Variants in GRM8 observed in about 807,000 individuals in gnomAD.
The protein encoded by GRM8 is metabotropic glutamate receptor 8.
Under a neutral mutation model 87.2 loss-of-function variants are expected in GRM8, and 47 were observed. The ratio of observed to expected loss-of-function variants is 0.54; its 90% CI spans 0.43 to 0.69. The LOEUF is 0.69. Ranked by LOEUF, GRM8 falls within the 30% of genes least tolerant of loss-of-function variation. The pLI is 0.00. For synonymous variants in GRM8, 396 were observed against 404.5 expected, an observed-to-expected ratio of 0.98 and a Z score of 0.25; for missense variants, 1,019 against 1,139.2, an observed-to-expected ratio of 0.89 and a Z score of 1.52.
At chr7:126,861,158 T>C (rs1231405544) in intron 6 of GRM8, among the ~76,000 whole-genome samples, 1 of 152,134 alleles carries the variant, frequency 6.6e-6, no homozygotes, top group Non-Finnish European at 1.5e-5. Flanking sequence ...GAAGTTGCTG[T>C]GAATCCTTCC....
In GRM8 at chr7:127,243,030, C is replaced by T; in HGVS notation, c.175G>A (p.Glu59Lys). 6.2e-7 allele frequency: 1 copy of T among 1,614,016 alleles called. No individual in the cohort carries two copies. Among genetic ancestry groups the T allele is most frequent in the Non-Finnish European group, 8.5e-7 (1 of 1,179,908 alleles). ...AGCTCCCCACAAGGCACCCCTCTCTCTCCCTTTGCGTGGACAGGGAAGAGA... is the reference window on the plus strand; with the variant it reads ...AGCTCCCCACAAGGCACCCCTCTCTTTCCCTTTGCGTGGACAGGGAAGAGA... ...GGLFPVHAKG[E>K]RGVPCGELKK... The change falls in exon 2 of 11, where the codon GAG (glutamate) becomes AAG (lysine). Residue 59 changes from glutamate to lysine, a missense_variant. By Grantham distance (56) the Glu-to-Lys change is moderately conservative. Coordinates refer to ENST00000339582, the MANE Select transcript of GRM8 (RefSeq NM_000845.3).
Position 126,749,579 on chromosome 7 carries a change from TTTAA to T in GRM8, c.1357+20282_1357+20285del, listed in dbSNP as rs1206646108. 1.3e-4 allele frequency among the ~76,000 whole-genome samples: 20 copies of T among 150,344 alleles called. No individual in the cohort carries two copies. The South Asian group carries it at 3.7e-3, about 28-fold the overall frequency. ...TATATAAAATATATATAATCATATA[TTTAA>T]TTAATAAAGGTCTGATTTTCAGAAT... On this transcript the variant is annotated intron_variant, in intron 7 of 10. Coordinates refer to ENST00000339582, the MANE Select transcript of GRM8 (RefSeq NM_000845.3).
At chr7:126,712,568 G>T (rs1811215361) in intron 7 of GRM8, among the ~76,000 whole-genome samples, 1 of 152,048 alleles carries the variant, frequency 6.6e-6, no homozygotes, top group African/African-American at 2.4e-5. Flanking sequence ...TACACCAAAA[G>T]CAACTGCAAC....
chr7:126,552,892 C>T (rs924168092), intron 8 of GRM8, among the ~76,000 whole-genome samples: 4 of 152,016 alleles, frequency 2.6e-5, no homozygotes, highest in African/African-American at 4.8e-5. Context: ...ATTTAAGTCT[C>T]TTATTTATAA....
chr7:127,013,793 A>G (rs1449772001), intron 3 of GRM8, among the ~76,000 whole-genome samples: 1 of 152,198 alleles, frequency 6.6e-6, no homozygotes, highest in African/African-American at 2.4e-5. Flanking sequence ...AATGTCAAGC[A>G]TAAAACCTAT....
intron 3 of GRM8, among the ~76,000 whole-genome samples, chr7:127,059,085 A>G (rs1349522704): frequency 6.6e-6 from 1 of 152,172 alleles, no homozygotes; most frequent in East Asian, 1.9e-4. Context: ...TAATGATGAT[A>G]TGACAGAGTG....
intron 2 of GRM8, among the ~76,000 whole-genome samples, chr7:127,218,253 C>G (rs1263996659): frequency 6.6e-6 from 1 of 152,206 alleles, no homozygotes; most frequent in Non-Finnish European, 1.5e-5. Flanking sequence ...CTTTCTTGCC[C>G]CAACAGTGTT....
intron 6 of GRM8, among the ~76,000 whole-genome samples, chr7:126,845,835 T>A (rs1796668876): frequency 6.6e-6 from 1 of 151,964 alleles, no homozygotes; most frequent in African/African-American, 2.4e-5. Context: ...GTTTGAAGTC[T>A]AGATATCATG....
intron 2 of GRM8, among the ~76,000 whole-genome samples, chr7:127,174,169 T>G (rs755753485): frequency 4.6e-5 from 7 of 152,186 alleles, no homozygotes; most frequent in Non-Finnish European, 1.0e-4. Context: ...GTACACAAGA[T>G]GTACGTAATG....
chr7:126,673,859 A>C (rs1277410002), intron 7 of GRM8, among the ~76,000 whole-genome samples: 1 of 152,208 alleles, frequency 6.6e-6, no homozygotes. Context: ...CTTTAGTTTT[A>C]TGAGACACTC....
At chr7:126,562,664 G>T (rs982751638) in intron 8 of GRM8, among the ~76,000 whole-genome samples, 2 of 152,186 alleles carry the variant, frequency 1.3e-5, no homozygotes, top group South Asian at 2.1e-4. Context: ...GGAGGCCAAA[G>T]GGGGCAGATC....
At chr7:127,136,204 T>C (rs1316168778) in intron 2 of GRM8, among the ~76,000 whole-genome samples, 1 of 152,170 alleles carries the variant, frequency 6.6e-6, no homozygotes, top group Non-Finnish European at 1.5e-5. Context: ...TGTAACTTGC[T>C]AGAATTGGGG....
chr7:126,680,201 C>T (rs1169326732), intron 7 of GRM8, among the ~76,000 whole-genome samples: 5 of 152,034 alleles, frequency 3.3e-5, no homozygotes, highest in Non-Finnish European at 5.9e-5. Context: ...TTATGGTGCA[C>T]GAACTATGAG....
At chr7:127,239,733 T>A (rs1798178110) in intron 2 of GRM8, among the ~76,000 whole-genome samples, 1 of 152,226 alleles carries the variant, frequency 6.6e-6, no homozygotes, top group Admixed American at 6.5e-5. Flanking sequence ...AATTGCTTTA[T>A]AATTAATACT....
At position 126,620,509 on chromosome 7, in the gene GRM8, G is replaced by GT. The variant is rs952442997; in HGVS notation, c.1358-11012dup. The stretch of plus-strand genomic sequence containing the variant: ...AGGGAAAATGATATATTCAATGAAG[G>GT]TTTTTTTTTTCAAATGTTGGCTCTT... On this transcript the variant is annotated intron_variant, in intron 7 of 10. Transcript: ENST00000339582. Among the ~76,000 whole-genome samples the GT allele has an allele frequency of 7.8e-4, 118 of 150,406 alleles. 1 individual carries two copies. Among genetic ancestry groups the GT allele is most frequent in the Admixed American group, 1.0e-3 (15 of 15,054 alleles).
chr7:127,114,752 C>A (rs1826599160), intron 2 of GRM8, among the ~76,000 whole-genome samples: 1 of 152,170 alleles, frequency 6.6e-6, no homozygotes, highest in Non-Finnish European at 1.5e-5. Context: ...ATATATTACA[C>A]TTACAAAGTC....
chr7:126,957,764 C>T (rs1395869936), intron 3 of GRM8, among the ~76,000 whole-genome samples: 3 of 152,188 alleles, frequency 2.0e-5, no homozygotes, highest in Non-Finnish European at 4.4e-5. Flanking sequence ...CATGAATAGC[C>T]TGGGTACCAC....
At chr7:126,723,584 A>G (rs1013144234) in intron 7 of GRM8, among the ~76,000 whole-genome samples, 1 of 152,078 alleles carries the variant, frequency 6.6e-6, no homozygotes, top group Non-Finnish European at 1.5e-5. Flanking sequence ...ACTTTAGGCA[A>G]CAGGACACCC....
At position 126,533,835 on chromosome 7, in the gene GRM8, C is replaced by T; in HGVS notation, c.1547G>A (p.Cys516Tyr). The T allele has an allele frequency of 3.7e-6, 6 of 1,614,074 alleles. No homozygotes were observed. Among genetic ancestry groups the T allele is most frequent in the Non-Finnish European group, 5.1e-6 (6 of 1,179,948 alleles). The change falls in exon 9 of 11, where the codon TGC becomes TAC. Residue 516 changes from cysteine (C) to tyrosine (Y), a missense_variant. Coordinates refer to ENST00000339582, the MANE Select transcript of GRM8 (RefSeq NM_000845.3). ...CTCCCCTGGCTTACACGGCAGGCTG[C>T]AGACAGACGCCGGGTGAGTATGTTC... is the stretch of plus-strand genomic sequence containing the variant. ...HREHTHPASV[C>Y]SLPCKPGERK...
Sources: allele counts gnomAD v4.1 joint callset (sites outside exome capture counted in the v4.1 genomes callset), GRCh38; gene constraint gnomAD v4.1.1; transcripts MANE v1.5; gene names NCBI Gene and HGNC (gene_info 2026-07-23, HGNC 2026-07-21).